Variants in TOGARAM1 observed in about 807,000 individuals in gnomAD.
The protein encoded by TOGARAM1 is TOG array regulator of axonemal microtubules 1.
TOGARAM1 carries 100 observed loss-of-function variants against 166.6 expected under a neutral mutation model. The observed-to-expected ratio is 0.60, with a 90% confidence interval of 0.51 to 0.71. The LOEUF (loss-of-function observed/expected upper bound fraction) is 0.71. Ranked by LOEUF, TOGARAM1 falls within the 30% of genes least tolerant of loss-of-function variation. TOGARAM1 has a pLI of 0.00. For missense variants in TOGARAM1, 2,029 were observed against 2,102.7 expected, an observed-to-expected ratio of 0.96 and a Z score of 0.69; for synonymous variants, 758 against 763.8, an observed-to-expected ratio of 0.99 and a Z score of 0.13.
chr14:44,982,468 T>C (rs572689651), intron 1 of TOGARAM1, among the ~76,000 whole-genome samples: 2 of 152,182 alleles, frequency 1.3e-5, no homozygotes, highest in Non-Finnish European at 2.9e-5. Flanking sequence ...TTCACTACAA[T>C]GTGGTAGGAA....
chr14:45,049,817 C>T (rs185990233), intron 14 of TOGARAM1, among the ~76,000 whole-genome samples: 3 of 151,848 alleles, frequency 2.0e-5, no homozygotes, highest in Non-Finnish European at 4.4e-5. Context: ...TTCTTTTCTC[C>T]CTCTCTATCA....
At position 45,009,187 on chromosome 14, in the gene TOGARAM1, AT is replaced by A. The variant is rs779239097; in HGVS notation, c.3137+44del. The A allele has an allele frequency of 2.1e-6, 3 of 1,453,316 alleles. No homozygotes were observed. In the Admixed American group the frequency reaches 5.6e-5, roughly 27 times the overall value. The allele number at this position is 1,453,316 out of a possible 1,614,324, so 90.0% of individuals were successfully genotyped here. On this transcript the variant is annotated intron_variant, in intron 6 of 19. Coordinates refer to ENST00000361462, the MANE Select transcript of TOGARAM1 (RefSeq NM_001308120.2). ...CGTGATAAATGAATGTTCCTCTGTAATTAGTGATTTAGAGCCCTAATATCAT... is the reference window on the plus strand; with the variant it reads ...CGTGATAAATGAATGTTCCTCTGTAATAGTGATTTAGAGCCCTAATATCAT...
chr14:45,014,122 T>A (rs1194489690), intron 7 of TOGARAM1, among the ~76,000 whole-genome samples: 1 of 149,816 alleles, frequency 6.7e-6, no homozygotes, highest in Non-Finnish European at 1.5e-5. Flanking sequence ...CTCAGCTCAC[T>A]GCAAGCTCCG....
At chr14:45,058,007 C>T (rs1882722387) in intron 16 of TOGARAM1, among the ~76,000 whole-genome samples, 1 of 152,138 alleles carries the variant, frequency 6.6e-6, no homozygotes, top group Non-Finnish European at 1.5e-5. Context: ...AATTTTCTGT[C>T]TCAATAATCT....
chr14:45,031,566 A>T (rs1419285717), intron 10 of TOGARAM1, among the ~76,000 whole-genome samples: 3 of 152,232 alleles, frequency 2.0e-5, no homozygotes, highest in Non-Finnish European at 4.4e-5. Context: ...ACAGGTATAT[A>T]TCCACATTTT....
At chr14:44,978,504 G>C (rs11846891) in intron 1 of TOGARAM1, among the ~76,000 whole-genome samples, 9,902 of 152,174 alleles carry the variant, frequency 0.065, 820 homozygotes, top group African/African-American at 0.2. Flanking sequence ...AGAAGCAGTA[G>C]TTACTAAAAG....
intron 7 of TOGARAM1, among the ~76,000 whole-genome samples, chr14:45,016,586 G>T (rs991334273): frequency 2.6e-5 from 4 of 152,268 alleles, no homozygotes; most frequent in African/African-American, 4.8e-5. Context: ...TGATGGAGGT[G>T]GGGGCTTGCT....
intron 4 of TOGARAM1, among the ~76,000 whole-genome samples, chr14:45,005,193 C>T (rs953038375): frequency 2.6e-5 from 4 of 152,072 alleles, no homozygotes; most frequent in South Asian, 2.1e-4. Flanking sequence ...GGATTACAGG[C>T]GTGAGCTACT....
chr14:44,995,645 A>T (rs1370824327), intron 1 of TOGARAM1, 101 bp from the exon 2 acceptor site: 3 of 832,246 alleles, frequency 3.6e-6, no homozygotes, highest in African/African-American at 1.7e-5. Flanking sequence ...ATTAAAATTT[A>T]TTCTAACCTG....
At chr14:45,045,541 G>GTATATATATA (rs1404316560) in intron 13 of TOGARAM1, among the ~76,000 whole-genome samples, 13 of 50,362 alleles carry the variant, frequency 2.6e-4, no homozygotes, top group South Asian at 6.7e-4. Context: ...TGGTCTGTGT[G>GTATATATATA]TGTATATATA....
At chr14:44,982,191 A>T (rs1048405876) in intron 1 of TOGARAM1, among the ~76,000 whole-genome samples, 7 of 152,106 alleles carry the variant, frequency 4.6e-5, no homozygotes, top group East Asian at 1.9e-4. Context: ...GGGATTTTTG[A>T]TAGCTATTTA....
intron 19 of TOGARAM1, among the ~76,000 whole-genome samples, chr14:45,072,952 G>A (rs1170461646): frequency 6.6e-6 from 1 of 152,176 alleles, no homozygotes; most frequent in Non-Finnish European, 1.5e-5. Context: ...GGTTCTTACA[G>A]AAAACTGCTA....
chr14:44,999,610 G>T, intron 3 of TOGARAM1, 113 bp downstream of exon 3: 3 of 839,882 alleles, frequency 3.6e-6, no homozygotes, highest in East Asian at 3.1e-5. Context: ...AAAATAAAAG[G>T]ATTTTGTTAT....
At chr14:45,023,639 T>G (rs1459720353) in intron 7 of TOGARAM1, among the ~76,000 whole-genome samples, 1 of 152,134 alleles carries the variant, frequency 6.6e-6, no homozygotes, top group Non-Finnish European at 1.5e-5. Context: ...CTAGAGCTAT[T>G]CCCATTTTTT....
intron 17 of TOGARAM1, among the ~76,000 whole-genome samples, chr14:45,067,610 A>G (rs1396728141): frequency 1.3e-5 from 2 of 152,180 alleles, no homozygotes; most frequent in African/African-American, 4.8e-5. Context: ...CAAACATACC[A>G]TAAGTACTCT....
chr14:44,974,965 A>C (rs946005658), intron 1 of TOGARAM1, among the ~76,000 whole-genome samples: 1 of 152,090 alleles, frequency 6.6e-6, no homozygotes, highest in Non-Finnish European at 1.5e-5. Context: ...GGAGGGGGGA[A>C]GTGTTCTGTA....
chr14:45,057,577 A>G (rs1335698535), intron 16 of TOGARAM1, among the ~76,000 whole-genome samples: 1 of 151,992 alleles, frequency 6.6e-6, no homozygotes, highest in Non-Finnish European at 1.5e-5. Flanking sequence ...TTTTTCATGT[A>G]GGCATTTAAT....
chr14:45,054,629 C>T, intron 16 of TOGARAM1, 80 bp downstream of exon 16: 1 of 1,049,924 alleles, frequency 9.5e-7, no homozygotes, highest in South Asian at 1.7e-5. Flanking sequence ...CATAAACTAC[C>T]CCAGGGGTAT....
chr14:45,046,242 TG>T (rs1443551866), intron 13 of TOGARAM1, among the ~76,000 whole-genome samples: 1 of 152,176 alleles, frequency 6.6e-6, no homozygotes, highest in East Asian at 1.9e-4. Context: ...GAGACCAGCC[TG>T]GGCAACATAG....
Sources: allele counts gnomAD v4.1 joint callset (sites outside exome capture counted in the v4.1 genomes callset), GRCh38; gene constraint gnomAD v4.1.1; transcripts MANE v1.5; gene names NCBI Gene and HGNC (gene_info 2026-07-23, HGNC 2026-07-21).